The following FEZF2 variants were observed in gnomAD, a reference collection of about 807,000 sequenced individuals.
FEZF2 encodes FEZ family zinc finger 2.
Under a neutral mutation model 32.8 loss-of-function variants are expected in FEZF2, and 2 were observed. The observed-to-expected ratio is 0.06, with a 90% CI of 0.02 to 0.19. The LOEUF is 0.19. Ranked by LOEUF, FEZF2 falls within the 10% of genes least tolerant of loss-of-function variation. FEZF2 has a pLI of 1.00. For missense variants in FEZF2, 516 were observed against 625.4 expected (o/e 0.83, Z 1.87); for synonymous variants, 322 against 284.8 (o/e 1.13, Z -1.32).
intron 2 of FEZF2, 28 bp downstream of exon 2, chr3:62,371,989 G>A (rs766504023): frequency 3.1e-6 from 5 of 1,592,256 alleles, no homozygotes; most frequent in Non-Finnish European, 4.3e-6. Flanking sequence ...GCCCCTCCCG[G>A]CCCCCCTCGC....
intron 2 of FEZF2, 67 bp downstream of exon 2, chr3:62,371,950 C>T (rs1348602977): frequency 1.3e-6 from 2 of 1,550,244 alleles, no homozygotes; most frequent in African/African-American, 1.4e-5. Flanking sequence ...GCATTCCAGG[C>T]TGCCCCAAGG....
rs759549742 is a variant in FEZF2, at chr3:62,372,191, G to A, written c.678C>T (p.Phe226=). ...TATGGGGATAGGGAGCCGGGTGGGG[G>A]AACTTGTCCGCAGCCAGGCCGGCCA... ...AKLAGLAADK[F]PHPAPYPHKE... is the part of the protein sequence containing the mutation. Residue 226 remains phenylalanine (F), a synonymous_variant, in exon 2 of 5, where the codon TTC becomes TTT. Transcript: ENST00000283268. This position sits in a 1 kb window ranked among gnomAD's most constrained non-coding sequence, Gnocchi z 9.6. 4.4e-6 allele frequency: 7 copies of A among 1,579,066 alleles called. No individual in the cohort carries two copies. In the East Asian group the frequency reaches 7.0e-5, roughly 16 times the overall value.
intron 2 of FEZF2, 93 bp from the exon 3 acceptor site, chr3:62,371,760 C>T (rs1311855686): frequency 6.6e-6 from 10 of 1,516,466 alleles, no homozygotes; most frequent in Admixed American, 2.1e-5. Flanking sequence ...CCAACCAACA[C>T]CCCCTTCAGA....
rs1384861597 is a variant in FEZF2 at position 62,370,827 on chromosome 3, G to A, written c.1120+390C>T. ...CGATCCAGGGGCCAAGGATCATACC[G>A]GTTTCCCCCAATCTTAGATTGTTCC... On this transcript the variant is annotated intron_variant, in intron 4 of 4. Coordinates refer to ENST00000283268, the MANE Select transcript of FEZF2 (RefSeq NM_018008.4). The surrounding 1 kb of genome is among the most constrained non-coding windows in gnomAD (Gnocchi z 4.2). Among the ~76,000 whole-genome samples the A allele has an allele frequency of 3.9e-5, 6 of 152,168 alleles. No individual in the cohort carries two copies. Among genetic ancestry groups the A allele is most frequent in the Middle Eastern group, 3.2e-3 (1 of 316 alleles).
chr3:62,371,920 C>A, intron 2 of FEZF2, 97 bp downstream of exon 2: 10 of 1,494,334 alleles, frequency 6.7e-6, no homozygotes, highest in Non-Finnish European at 8.9e-6. Context: ...TACTGGGGAG[C>A]TCCTCAGCTT....
Position 62,372,170 on chromosome 3 carries a change from G to A in FEZF2, c.699C>T (p.Pro233=), listed in dbSNP as rs1205088805. The change falls in exon 2 of 5, where the codon CCC becomes CCT. Residue 233 remains proline (P), a synonymous_variant. Transcript: ENST00000283268. The surrounding 1 kb of genome is among the most constrained non-coding windows in gnomAD (Gnocchi z 9.6). Reference sequence around the variant, plus strand: ...GCGGCGCCGGCAAGCGCTCCTTATGGGGATAGGGAGCCGGGTGGGGGAACT... The same window carrying A: ...GCGGCGCCGGCAAGCGCTCCTTATGAGGATAGGGAGCCGGGTGGGGGAACT... The part of the protein sequence containing the change: ...ADKFPHPAPY[P]HKERLPAPLE... The A allele has an allele frequency of 3.2e-6, 5 of 1,586,940 alleles. No homozygotes were observed. Among genetic ancestry groups the A allele is most frequent in the Non-Finnish European group, 4.3e-6 (5 of 1,166,708 alleles).
Sources: gnomAD v4.1 joint callset for allele counts (sites outside exome capture counted in the v4.1 genomes callset) on GRCh38, gnomAD v4.1.1 for gene constraint, Gnocchi (gnomAD v3.1) non-coding constraint, MANE v1.5 for transcripts, NCBI Gene and HGNC (gene_info 2026-07-23, HGNC 2026-07-21) for gene names.